The following PHACTR3 variants were observed in gnomAD, a reference collection of about 807,000 sequenced individuals.
The protein encoded by PHACTR3 is protein phosphatase 1, regulatory subunit 123.
In PHACTR3, 16 loss-of-function variants were observed where a neutral mutation model predicts 66.8. The observed-to-expected ratio is 0.24, with a 90% CI of 0.16 to 0.36. PHACTR3 has a LOEUF of 0.36. Ranked by LOEUF, PHACTR3 falls within the 10% of genes least tolerant of loss-of-function variation. The pLI, the probability that PHACTR3 is intolerant of heterozygous loss-of-function variation, is 1.00. For synonymous variants in PHACTR3, 323 were observed against 292.1 expected (o/e 1.11, Z -1.08); for missense variants, 647 against 719.9 (o/e 0.90, Z 1.16).
intron 7 of PHACTR3, among the ~76,000 whole-genome samples, chr20:59,803,203 G>A (rs991536471): frequency 3.9e-5 from 6 of 152,158 alleles, no homozygotes; most frequent in African/African-American, 1.4e-4. Flanking sequence ...TTGAAGAATG[G>A]GGCACAGGAC....
At chr20:59,595,632 C>T (rs1483454288) in intron 1 of PHACTR3, among the ~76,000 whole-genome samples, 4 of 152,084 alleles carry the variant, frequency 2.6e-5, no homozygotes, top group African/African-American at 7.2e-5. Context: ...TCAACTCTGT[C>T]GTTACTGATT....
In PHACTR3 at chr20:59,826,388, A is replaced by C. The variant is rs543289098; in HGVS notation, c.1329-10117A>C. Among the ~76,000 whole-genome samples, 3 of 152,244 alleles carry C rather than the reference A, an allele frequency of 2.0e-5. No homozygotes were observed. In the South Asian group the frequency reaches 6.2e-4, roughly 32 times the overall value. ...CATCTTGGTTCTTCCCAGCTGACTC[A>C]ACCTGGGCTTGGCTCACCCTTGGCT... On this transcript the variant is annotated intron_variant, in intron 8 of 12. Coordinates refer to ENST00000371015, the MANE Select transcript of PHACTR3 (RefSeq NM_080672.5).
intron 8 of PHACTR3, among the ~76,000 whole-genome samples, chr20:59,834,337 G>A (rs1373782584): frequency 1.3e-5 from 2 of 152,152 alleles, no homozygotes; most frequent in Non-Finnish European, 2.9e-5. Context: ...ATGGTGGTCT[G>A]CCCCACCATT....
At chr20:59,600,631 C>T (rs2033450145), upstream of PHACTR3, among the ~76,000 whole-genome samples, 3 of 152,182 alleles carry the variant, frequency 2.0e-5, no homozygotes, top group Admixed American at 2.0e-4. Flanking sequence ...TGCCCCTGGG[C>T]AGAGGAAACT....
At chr20:59,685,730 C>T (rs969656291) in intron 1 of PHACTR3, among the ~76,000 whole-genome samples, 1 of 152,312 alleles carries the variant, frequency 6.6e-6, no homozygotes, top group Non-Finnish European at 1.5e-5. Flanking sequence ...CATTATCCTT[C>T]GGGCCTCAGG....
At chr20:59,651,813 C>T (rs1440382989) in intron 1 of PHACTR3, among the ~76,000 whole-genome samples, 1 of 151,452 alleles carries the variant, frequency 6.6e-6, no homozygotes, top group East Asian at 1.9e-4. Flanking sequence ...GAAACCCAAC[C>T]AACAGGATCT....
intron 8 of PHACTR3, among the ~76,000 whole-genome samples, chr20:59,819,962 T>G (rs189469657): frequency 9.4e-4 from 143 of 152,326 alleles, no homozygotes; most frequent in Non-Finnish European, 1.6e-3. Context: ...CATTTAGCAA[T>G]TTATGATTTT....
chr20:59,631,521 C>T (rs2034663730), intron 1 of PHACTR3, among the ~76,000 whole-genome samples: 1 of 152,002 alleles, frequency 6.6e-6, no homozygotes, highest in South Asian at 2.1e-4. Context: ...TTACAGGGGC[C>T]TTGACAGAGG....
At chr20:59,818,279 A>G (rs955597378) in intron 8 of PHACTR3, among the ~76,000 whole-genome samples, 2 of 152,200 alleles carry the variant, frequency 1.3e-5, no homozygotes, top group African/African-American at 4.8e-5. Flanking sequence ...GGATGTGACT[A>G]CAACAGAGCC....
rs911419693 is a variant in PHACTR3 at position 59,830,799 on chromosome 20, G to A, written c.1329-5706G>A. Among the ~76,000 whole-genome samples, 2 of 152,176 alleles carry A rather than the reference G, an allele frequency of 1.3e-5. No individual in the cohort carries two copies. Among genetic ancestry groups the A allele is most frequent in the Non-Finnish European group, 2.9e-5 (2 of 68,032 alleles). On this transcript the variant is annotated intron_variant, in intron 8 of 12. Transcript: ENST00000371015. This position sits in a 1 kb window ranked among gnomAD's most constrained non-coding sequence, Gnocchi z 5.8. ...ATCAGAGGCTCAAGTAAGGGAGGGC[G>A]TGACGCCATCACCCAGCTGGCAGGG...
intron 1 of PHACTR3, among the ~76,000 whole-genome samples, chr20:59,688,557 C>T (rs1371408655): frequency 6.6e-6 from 1 of 152,158 alleles, no homozygotes; most frequent in Non-Finnish European, 1.5e-5. Context: ...TTCCAGCATC[C>T]AATTTCAGCT....
chr20:59,631,932 C>T (rs2034679693), intron 1 of PHACTR3, among the ~76,000 whole-genome samples: 1 of 152,146 alleles, frequency 6.6e-6, no homozygotes, highest in Admixed American at 6.5e-5. Context: ...GCATCTGGCC[C>T]CGGCCTGTGG....
intron 1 of PHACTR3, among the ~76,000 whole-genome samples, chr20:59,580,092 C>T (rs1043598059): frequency 2.0e-5 from 3 of 152,146 alleles, no homozygotes; most frequent in Non-Finnish European, 4.4e-5. Flanking sequence ...TGAGATTCAT[C>T]AGAATGGGGC....
intron 8 of PHACTR3, among the ~76,000 whole-genome samples, chr20:59,812,698 T>C (rs73307155): frequency 0.014 from 2,171 of 152,288 alleles, 63 homozygotes; most frequent in African/African-American, 0.047. Context: ...AATTTTCACT[T>C]CCACAGAAAT....
chr20:59,826,027 C>T (rs1224970493), intron 8 of PHACTR3, among the ~76,000 whole-genome samples: 6 of 152,316 alleles, frequency 3.9e-5, no homozygotes, highest in Non-Finnish European at 7.3e-5. Flanking sequence ...CTGCTGGCAC[C>T]TCAACCTTGG....
chr20:59,756,474 C>T (rs1459881872), intron 4 of PHACTR3, among the ~76,000 whole-genome samples: 1 of 152,176 alleles, frequency 6.6e-6, no homozygotes, highest in Non-Finnish European at 1.5e-5. Context: ...GTCCACAACG[C>T]CCCTGCAGCG....
intron 1 of PHACTR3, among the ~76,000 whole-genome samples, chr20:59,742,384 G>A (rs1443329042): frequency 1.3e-5 from 2 of 152,174 alleles, no homozygotes; most frequent in East Asian, 1.9e-4. Context: ...TCATCTTCAC[G>A]TGTCCCAGAG....
chr20:59,599,628 G>T (rs1055834140), upstream of PHACTR3, among the ~76,000 whole-genome samples: 1 of 152,014 alleles, frequency 6.6e-6, no homozygotes, highest in African/African-American at 2.4e-5. Flanking sequence ...CCACCCTGTT[G>T]TCAGTATCAG....
At chr20:59,622,981 C>CAAAAAAAAAAAAAAAAAAAAAAAACAAA (rs71183177) in intron 1 of PHACTR3, among the ~76,000 whole-genome samples, 1 of 32,216 alleles carries the variant, frequency 3.1e-5, no homozygotes, top group African/African-American at 1.4e-4. Context: ...CAGCTTTAAC[C>CAAAAAAAAAAAAAAAAAAAAAAAACAAA]AAAAAAAAAA....
Sources: gnomAD v4.1 joint callset for allele counts (sites outside exome capture counted in the v4.1 genomes callset) on GRCh38, gnomAD v4.1.1 for gene constraint, Gnocchi (gnomAD v3.1) non-coding constraint, MANE v1.5 for transcripts, NCBI Gene and HGNC (gene_info 2026-07-23, HGNC 2026-07-21) for gene names.